The following MACROD1 variants were observed in gnomAD, a reference collection of about 807,000 sequenced individuals.
The protein encoded by MACROD1 is mono-ADP ribosylhydrolase 1, also known as ADP-ribose glycohydrolase MACROD1.
Under a neutral mutation model 41.4 loss-of-function variants are expected in MACROD1, and 31 were observed. That is an observed-to-expected ratio of 0.75 (90% confidence interval 0.56 to 1.01). The LOEUF (loss-of-function observed/expected upper bound fraction) is 1.01. Ranked by LOEUF, MACROD1 falls within the 50% of genes least tolerant of loss-of-function variation. The pLI is 0.00. For missense variants in MACROD1, 473 were observed against 460.0 expected, an observed-to-expected ratio of 1.03 and a Z score of -0.26; for synonymous variants, 252 against 203.4, an observed-to-expected ratio of 1.24 and a Z score of -2.03.
intron 4 of MACROD1, chr11:64,001,599 A>G (rs1484873551): frequency 7.1e-6 from 5 of 701,838 alleles, no homozygotes; most frequent in Admixed American, 4.0e-5. Flanking sequence ...AACTTTACTC[A>G]GAGCTGGCAC....
At chr11:64,149,850 G>A (rs1306518263) in intron 3 of MACROD1, among the ~76,000 whole-genome samples, 1 of 152,200 alleles carries the variant, frequency 6.6e-6, no homozygotes. Context: ...CCCCTAGGCC[G>A]CTGTAATGTC....
chr11:64,143,247 T>C (rs1020834140), intron 3 of MACROD1, among the ~76,000 whole-genome samples: 2 of 152,116 alleles, frequency 1.3e-5, no homozygotes, highest in Admixed American at 6.6e-5. Context: ...ATGGTCTCTC[T>C]CTTAAACCCC....
At chr11:64,011,315 G>C (rs2134336185) in intron 4 of MACROD1, among the ~76,000 whole-genome samples, 1 of 151,382 alleles carries the variant, frequency 6.6e-6, no homozygotes, top group Admixed American at 6.6e-5. Flanking sequence ...TGTTGTTGGG[G>C]TGTTGGCTGG....
chr11:64,151,118 G>A (rs1344525655), intron 3 of MACROD1, 121 bp downstream of exon 3: 4 of 806,584 alleles, frequency 5.0e-6, no homozygotes, highest in South Asian at 1.6e-5. Flanking sequence ...CCAGCAGGCT[G>A]TCCTTGCCAG....
intron 3 of MACROD1, among the ~76,000 whole-genome samples, chr11:64,018,945 G>C (rs1447798420): frequency 6.6e-6 from 1 of 152,218 alleles, no homozygotes; most frequent in Non-Finnish European, 1.5e-5. Context: ...GCGAGTCCAA[G>C]CTGGGGCTCA....
chr11:64,136,935 C>T (rs1300050084), intron 3 of MACROD1, among the ~76,000 whole-genome samples: 1 of 152,106 alleles, frequency 6.6e-6, no homozygotes, highest in Non-Finnish European at 1.5e-5. Flanking sequence ...AGGGCTGGTG[C>T]GGGGCTGGAG....
At chr11:64,127,179 T>G (rs1945196549) in intron 3 of MACROD1, among the ~76,000 whole-genome samples, 1 of 152,276 alleles carries the variant, frequency 6.6e-6, no homozygotes, top group Non-Finnish European at 1.5e-5. Flanking sequence ...AATGTTGAGA[T>G]GAATGTGATT....
At chr11:64,127,423 G>A (rs1302903243) in intron 3 of MACROD1, among the ~76,000 whole-genome samples, 1 of 107,424 alleles carries the variant, frequency 9.3e-6, no homozygotes, top group Admixed American at 8.3e-5. Context: ...CCCCCTCCCC[G>A]GACCTTGCCC....
At chr11:64,066,273 G>A (rs547134864) in intron 3 of MACROD1, among the ~76,000 whole-genome samples, 65 of 141,578 alleles carry the variant, frequency 4.6e-4, no homozygotes, top group Non-Finnish European at 9.0e-4. Flanking sequence ...CCCCAGCCTC[G>A]GTGACAGAGC....
At chr11:64,129,931 G>C (rs1024554568) in intron 3 of MACROD1, among the ~76,000 whole-genome samples, 1 of 152,126 alleles carries the variant, frequency 6.6e-6, no homozygotes, top group Non-Finnish European at 1.5e-5. Context: ...GAAGAGGACC[G>C]GGTGGTTGGG....
At chr11:64,014,146 G>A (rs1378837162) in intron 4 of MACROD1, among the ~76,000 whole-genome samples, 1 of 152,020 alleles carries the variant, frequency 6.6e-6, no homozygotes, top group Non-Finnish European at 1.5e-5. Context: ...ACGGAGGAAG[G>A]GCAGGGTGCT....
chr11:64,088,467 A>G (rs1351664768), intron 3 of MACROD1, among the ~76,000 whole-genome samples: 1 of 152,146 alleles, frequency 6.6e-6, no homozygotes, highest in Non-Finnish European at 1.5e-5. Context: ...GGGGCAGGGC[A>G]GGCGCTCAGG....
intron 1 of MACROD1, among the ~76,000 whole-genome samples, chr11:64,165,242 C>A (rs1421653253): frequency 6.6e-6 from 1 of 152,196 alleles, no homozygotes; most frequent in East Asian, 1.9e-4. Flanking sequence ...CAGCCCCATT[C>A]CCGAACACTT....
chr11:64,131,817 G>T (rs371353363), intron 3 of MACROD1, among the ~76,000 whole-genome samples: 3 of 152,192 alleles, frequency 2.0e-5, no homozygotes, highest in Non-Finnish European at 4.4e-5. Flanking sequence ...CTGCCTGCCG[G>T]TAAGTGTTGA....
chr11:64,060,980 G>C (rs376305498), intron 3 of MACROD1, among the ~76,000 whole-genome samples: 1 of 151,920 alleles, frequency 6.6e-6, no homozygotes, highest in Non-Finnish European at 1.5e-5. Flanking sequence ...CCAGGCGACC[G>C]GGCGGGCCGG....
rs1363749719 is a variant in MACROD1 at position 64,064,508 on chromosome 11, C to A, written c.518-49227G>T. On this transcript the variant is annotated intron_variant, in intron 3 of 10. Transcript: ENST00000255681. This position sits in a 1 kb window ranked among gnomAD's most constrained non-coding sequence, Gnocchi z 4.5. ...GGCCTGCCCCGGATGGGCACGCAGG[C>A]AGGGTGCATATGTACGTATGTGCCT... is the stretch of plus-strand genomic sequence containing the variant. Among the ~76,000 whole-genome samples, 4 of 152,120 alleles carry A rather than the reference C, an allele frequency of 2.6e-5. No individual in the cohort carries two copies. Among genetic ancestry groups the A allele is most frequent in the African/African-American group, 9.7e-5 (4 of 41,434 alleles).
At chr11:64,033,873 A>G (rs1943325638) in intron 3 of MACROD1, among the ~76,000 whole-genome samples, 1 of 151,690 alleles carries the variant, frequency 6.6e-6, no homozygotes, top group South Asian at 2.1e-4. Context: ...ATTTTTTTGT[A>G]TTTTTTTTAT....
At chr11:64,088,442 T>C (rs567761621) in intron 3 of MACROD1, among the ~76,000 whole-genome samples, 152 of 152,174 alleles carry the variant, frequency 1.0e-3, no homozygotes, top group Non-Finnish European at 1.5e-3. Flanking sequence ...GCCCTGCAGG[T>C]GCGGCTGTGG....
At chr11:64,075,760 C>T (rs976203593) in intron 3 of MACROD1, among the ~76,000 whole-genome samples, 1 of 152,374 alleles carries the variant, frequency 6.6e-6, no homozygotes, top group Middle Eastern at 3.4e-3. Context: ...GCAACCTCCA[C>T]CTCCCAGGTT....
Sources: gnomAD v4.1 joint callset for allele counts (sites outside exome capture counted in the v4.1 genomes callset) on GRCh38, gnomAD v4.1.1 for gene constraint, Gnocchi (gnomAD v3.1) non-coding constraint, MANE v1.5 for transcripts, NCBI Gene and HGNC (gene_info 2026-07-23, HGNC 2026-07-21) for gene names.